The following ANK3 variants were observed in gnomAD, a reference collection of about 807,000 sequenced individuals.
The protein encoded by ANK3 is ankyrin 3.
A neutral mutation model predicts 370.9 loss-of-function variants in ANK3; 57 were observed. That is an observed-to-expected ratio of 0.15 (90% CI 0.12 to 0.19). ANK3 has a LOEUF of 0.19. Among genes scored for constraint, ANK3 ranks in the 10% least tolerant of loss-of-function variants. The pLI, the probability that ANK3 is intolerant of heterozygous loss-of-function variation, is 1.00. For missense variants in ANK3, 4,439 were observed against 5,302.1 expected (o/e 0.84, Z 5.06); for synonymous variants, 1,929 against 1,946.3 (o/e 0.99, Z 0.23).
chr10:60,662,144 G>A lies in ANK3; in HGVS notation c.58-46920C>T, dbSNP rs10994466. ...TTTTTATCTATGACTACTATTGGTC[G>A]TTTTTGAGTTTATTTTGGAAAAAGA... On this transcript the variant is annotated intron_variant, in intron 1 of 43. Transcript: ENST00000373827. Among the ~76,000 whole-genome samples the A allele has an allele frequency of 6.1e-3, 927 of 152,080 alleles. 6 individuals are homozygous for A. The highest frequency in any genetic ancestry group is 0.01 in the Non-Finnish European group (703 of 67,986).
rs1175012588 is a variant in ANK3 at position 60,236,594 on chromosome 10, T to C, written c.799-1808A>G. ...TGTCCTTTTCTCCCTGTATTTTATG[T>C]AAACTTTTCTAGTTAAATGCTTTTA... is the stretch of plus-strand genomic sequence containing the variant. On this transcript the variant is annotated intron_variant, in intron 7 of 43. Transcript: ENST00000280772. 2.0e-5 allele frequency among the ~76,000 whole-genome samples: 3 copies of C among 152,220 alleles called. No individual in the cohort carries two copies. The East Asian group carries it at 5.8e-4, about 29-fold the overall frequency.
intron 7 of ANK3, among the ~76,000 whole-genome samples, chr10:60,245,181 C>CAA (rs147081355): frequency 1.7e-4 from 24 of 143,922 alleles, no homozygotes; most frequent in African/African-American, 5.8e-4. Flanking sequence ...AAACAAAAAA[C>CAA]AAAAAAAAAA....
intron 5 of ANK3, among the ~76,000 whole-genome samples, chr10:60,266,602 G>A (rs757870413): frequency 1.4e-4 from 21 of 152,084 alleles, no homozygotes; most frequent in Non-Finnish European, 2.9e-4. Context: ...ATACATAAAG[G>A]AAACTACTTT....
At chr10:60,309,457 A>G (rs2045878704) in intron 1 of ANK3, among the ~76,000 whole-genome samples, 1 of 152,148 alleles carries the variant, frequency 6.6e-6, no homozygotes. Flanking sequence ...GCTGTCATGC[A>G]TAATAAGGGC....
chr10:60,537,917 C>A (rs752717466), intron 2 of ANK3, among the ~76,000 whole-genome samples: 4 of 151,816 alleles, frequency 2.6e-5, no homozygotes, highest in Non-Finnish European at 5.9e-5. Flanking sequence ...TAAAATGCTC[C>A]TATAATGTGT....
intron 33 of ANK3, 141 bp from the exon 34 acceptor site, chr10:60,082,878 T>A: frequency 3.1e-6 from 3 of 981,698 alleles, no homozygotes; most frequent in Non-Finnish European, 4.4e-6. Context: ...ATTACGATTA[T>A]GCAGCAACCG....
At chr10:60,378,002 T>C (rs1390736623) in intron 1 of ANK3, among the ~76,000 whole-genome samples, 1 of 152,180 alleles carries the variant, frequency 6.6e-6, no homozygotes, top group East Asian at 1.9e-4. Context: ...AAGCATCTGT[T>C]TTTGTCTAAT....
chr10:60,282,649 C>T (rs1197034514), intron 1 of ANK3, among the ~76,000 whole-genome samples: 1 of 152,086 alleles, frequency 6.6e-6, no homozygotes, highest in Non-Finnish European at 1.5e-5. Flanking sequence ...TGGACGCCTT[C>T]ATTATATCTA....
At position 60,433,590 on chromosome 10, in the gene ANK3, T is replaced by TGA. The variant is rs139175016; in HGVS notation, c.97-153953_97-153952dup. On this transcript the variant is annotated intron_variant, in intron 2 of 43. Coordinates refer to the ANK3 transcript ENST00000373827. ...TGCCACTGCAGCCAGGGCGACAGAG[T>TGA]GAGACTCTGTCTCAAAAAGAACGAA... Among the ~76,000 whole-genome samples the TGA allele has an allele frequency of 6.1e-3, 932 of 151,698 alleles. 13 individuals are homozygous for TGA. Among genetic ancestry groups the TGA allele is most frequent in the African/African-American group, 0.02 (840 of 41,336 alleles).
chr10:60,316,115 G>A (rs2047361968), intron 1 of ANK3, among the ~76,000 whole-genome samples: 1 of 152,122 alleles, frequency 6.6e-6, no homozygotes. Context: ...GAGAGAGACA[G>A]GGAGGACTTG....
intron 41 of ANK3, among the ~76,000 whole-genome samples, chr10:60,056,329 C>T (rs559984890): frequency 1.3e-4 from 20 of 152,158 alleles, no homozygotes; most frequent in African/African-American, 4.3e-4. Context: ...ATTAGCCAGG[C>T]GTGATGGCAC....
intron 28 of ANK3, 75 bp from the exon 29 acceptor site, chr10:60,088,433 C>CT (rs1030711545): frequency 5.2e-4 from 686 of 1,322,028 alleles, no homozygotes; most frequent in Non-Finnish European, 6.2e-4. Flanking sequence ...AATGATATAT[C>CT]TTTTTTTTTG....
At chr10:60,445,723 C>G (rs958044683) in intron 2 of ANK3, among the ~76,000 whole-genome samples, 3 of 152,124 alleles carry the variant, frequency 2.0e-5, no homozygotes, top group Non-Finnish European at 4.4e-5. Flanking sequence ...GTAACATAAA[C>G]AGTGCACCAC....
chr10:60,520,145 G>A (rs2076315563), intron 2 of ANK3, among the ~76,000 whole-genome samples: 1 of 152,092 alleles, frequency 6.6e-6, no homozygotes, highest in South Asian at 2.1e-4. Flanking sequence ...CATGGATGCA[G>A]CTGAAGGCTG....
At chr10:60,521,813 A>G (rs1379146971) in intron 2 of ANK3, among the ~76,000 whole-genome samples, 1 of 152,176 alleles carries the variant, frequency 6.6e-6, no homozygotes, top group African/African-American at 2.4e-5. Context: ...AAAAGCAATG[A>G]CAAAATCTCC....
intron 25 of ANK3, among the ~76,000 whole-genome samples, chr10:60,123,846 G>A (rs2093622596): frequency 1.3e-5 from 2 of 152,174 alleles, no homozygotes; most frequent in South Asian, 4.1e-4. Flanking sequence ...GGGCTATCAG[G>A]GATAACTTCA....
chr10:60,086,411 A>G, intron 30 of ANK3: 1 of 316,960 alleles, frequency 3.2e-6, no homozygotes, highest in East Asian at 5.5e-5. Context: ...TGATACTTCT[A>G]CTAATGCTAA....
chr10:60,085,285 A>G, intron 30 of ANK3, 32 bp from the exon 31 acceptor site: 1 of 1,518,284 alleles, frequency 6.6e-7, no homozygotes, highest in African/African-American at 1.4e-5. Flanking sequence ...TGTTGACTTT[A>G]TCATGGGAGA....
intron 7 of ANK3, among the ~76,000 whole-genome samples, chr10:60,238,645 G>A (rs1373280377): frequency 2.0e-5 from 3 of 152,094 alleles, no homozygotes; most frequent in Non-Finnish European, 2.9e-5. Context: ...AGAAAGCTCA[G>A]GGTGGAGCAC....
Sources: allele counts gnomAD v4.1 joint callset (sites outside exome capture counted in the v4.1 genomes callset), GRCh38; gene constraint gnomAD v4.1.1; transcripts MANE v1.5; gene names NCBI Gene and HGNC (gene_info 2026-07-23, HGNC 2026-07-21).